Variants in CEP350 observed in about 807,000 individuals in gnomAD.
CEP350 encodes centrosomal protein 350, also known as centrosome-associated protein 350.
In CEP350, 126 loss-of-function variants were observed where a neutral mutation model predicts 331.8. The observed-to-expected ratio is 0.38, with a 90% CI of 0.33 to 0.44. The LOEUF (loss-of-function observed/expected upper bound fraction) is 0.44. Among genes scored for constraint, CEP350 ranks in the 20% least tolerant of loss-of-function variants. The pLI is 1.00. For missense variants in CEP350, 3,406 were observed against 3,634.6 expected (o/e 0.94, Z 1.62); for synonymous variants, 1,200 against 1,259.5 (o/e 0.95, Z 1.00).
At chr1:180,081,034 A>AT (rs113533567) in intron 30 of CEP350, among the ~76,000 whole-genome samples, 13,856 of 139,466 alleles carry the variant, frequency 0.099, 721 homozygotes, top group Non-Finnish European at 0.13. Flanking sequence ...TAATTTTTGT[A>AT]TTTTTTTTTT....
intron 37 of CEP350, among the ~76,000 whole-genome samples, chr1:180,100,067 T>C (rs1431529408): frequency 6.6e-6 from 1 of 152,244 alleles, no homozygotes; most frequent in Non-Finnish European, 1.5e-5. Flanking sequence ...ATTACAGGCA[T>C]GAGCCACCGC....
At chr1:180,091,058 G>A (rs1345664409) in intron 33 of CEP350, among the ~76,000 whole-genome samples, 1 of 151,232 alleles carries the variant, frequency 6.6e-6, no homozygotes, top group Admixed American at 6.6e-5. Context: ...AAGCTGGAGT[G>A]CAGTGGCATG....
chr1:180,041,285 C>A (rs1402028447), intron 18 of CEP350, 37 bp downstream of exon 18: 12 of 1,416,312 alleles, frequency 8.5e-6, no homozygotes, highest in African/African-American at 1.4e-5. Context: ...TTTTTTAAAC[C>A]TAAATTTGTA....
intron 1 of CEP350, among the ~76,000 whole-genome samples, chr1:179,985,416 C>T (rs1652578949): frequency 6.6e-6 from 1 of 152,084 alleles, no homozygotes; most frequent in African/African-American, 2.4e-5. Flanking sequence ...GACATTTGGG[C>T]TACTTCCACG....
intron 7 of CEP350, among the ~76,000 whole-genome samples, chr1:180,004,703 T>C (rs541133921): frequency 2.4e-4 from 37 of 152,366 alleles, no homozygotes; most frequent in Non-Finnish European, 4.7e-4. Flanking sequence ...TGTTATGATC[T>C]GTCAGCAGCA....
At chr1:180,001,982 T>C (rs1348300342) in intron 6 of CEP350, among the ~76,000 whole-genome samples, 2 of 152,246 alleles carry the variant, frequency 1.3e-5, no homozygotes, top group Admixed American at 1.3e-4. Context: ...TGGTAGCTAA[T>C]TATACATTCC....
At chr1:180,034,248 C>T (rs1298418297) in intron 16 of CEP350, among the ~76,000 whole-genome samples, 166 bp downstream of exon 16, 1 of 152,056 alleles carries the variant, frequency 6.6e-6, no homozygotes, top group Non-Finnish European at 1.5e-5. Context: ...TTGAAAAGCA[C>T]GAGAGGTTCA....
At chr1:179,961,759 G>A (rs2148538295) in intron 1 of CEP350, among the ~76,000 whole-genome samples, 1 of 152,286 alleles carries the variant, frequency 6.6e-6, no homozygotes, top group Non-Finnish European at 1.5e-5. Context: ...ATTGCATCAT[G>A]CTGAGGTTTG....
Position 180,111,107 on chromosome 1 carries a change from T to G in CEP350, c.9300T>G (p.Thr3100=). ...DGIFETLIKD[T]IDVLNQISEK... ...TCTTTGAGACCCTGATCAAAGATAC[T>G]ATTGATGTTCTGAATCAGATCAGTG... The change falls in exon 38 of 38, where the codon ACT becomes ACG. Residue 3100 remains threonine (T), a synonymous_variant. Transcript: ENST00000367607. 1 of 1,614,026 alleles carries G rather than the reference T, an allele frequency of 6.2e-7. No homozygotes were observed. The highest frequency in any genetic ancestry group is 1.1e-5 in the South Asian group (1 of 91,084).
At chr1:180,086,227 C>G (rs1659849206) in intron 31 of CEP350, among the ~76,000 whole-genome samples, 1 of 152,096 alleles carries the variant, frequency 6.6e-6, no homozygotes, top group Non-Finnish European at 1.5e-5. Context: ...CTGAGGAGTT[C>G]ATGCTGGAAA....
At chr1:180,064,107 C>T (rs1285907016) in intron 26 of CEP350, among the ~76,000 whole-genome samples, 1 of 152,168 alleles carries the variant, frequency 6.6e-6, no homozygotes, top group Admixed American at 6.5e-5. Context: ...CTATTCCCAT[C>T]TCCTCACACC....
Position 179,990,674 on chromosome 1 carries a change from C to T in CEP350, c.235+53C>T, listed in dbSNP as rs889676821. Reference sequence around the variant, plus strand: ...TACATATATTAAATATAAATTTTGACAAAACAGACAGCTAGATCTACAGGG... The same window carrying T: ...TACATATATTAAATATAAATTTTGATAAAACAGACAGCTAGATCTACAGGG... On this transcript the variant is annotated intron_variant, in intron 4 of 37. Transcript: ENST00000367607. 7 of 972,384 alleles carry T rather than the reference C, an allele frequency of 7.2e-6. No individual in the cohort carries two copies. In the African/African-American group the frequency reaches 9.9e-5, roughly 14 times the overall value. The allele number at this position is 972,384 out of a possible 1,614,324, so 60.2% of individuals were successfully genotyped here.
Position 180,014,150 on chromosome 1 carries a change from A to G in CEP350, c.1697A>G (p.His566Arg). ...GCACCAGTACATGCTCCTAGGAGTC[A>G]CAGCCCAGTAAAAAGAAAACCTGAC... ...SSAPVHAPRS[H>R]SPVKRKPDKI... Residue 566 changes from histidine (H) to arginine (R), a missense_variant, in exon 10 of 38, where the codon CAC (histidine) becomes CGC (arginine). Physicochemically the swap from His to Arg is conservative, Grantham distance 29. This residue lies in a region of CEP350 where 1,857 missense variants were observed against 1,909.2 expected (regional missense o/e 0.97). Coordinates refer to ENST00000367607, the MANE Select transcript of CEP350 (RefSeq NM_014810.5). 6.2e-7 allele frequency: 1 copy of G among 1,608,914 alleles called. No homozygotes were observed. The highest frequency in any genetic ancestry group is 8.5e-7 in the Non-Finnish European group (1 of 1,177,502).
At chr1:180,063,944 T>G (rs972064846) in intron 26 of CEP350, among the ~76,000 whole-genome samples, 2 of 152,140 alleles carry the variant, frequency 1.3e-5, no homozygotes, top group Non-Finnish European at 1.5e-5. Context: ...TACAGAAAAA[T>G]GTCAAACAGT....
chr1:180,090,119 C>CGGTT (rs1246482426), intron 32 of CEP350, among the ~76,000 whole-genome samples: 2 of 151,984 alleles, frequency 1.3e-5, no homozygotes, highest in Non-Finnish European at 2.9e-5. Flanking sequence ...GGAGGAAAGG[C>CGGTT]AGTTAGGATG....
intron 22 of CEP350, chr1:180,052,221 A>G: frequency 2.2e-6 from 1 of 454,100 alleles, no homozygotes; most frequent in Non-Finnish European, 4.4e-6. Flanking sequence ...TTCTTTTTTT[A>G]AGAGACGGGG....
chr1:180,067,439 A>C (rs960966645), intron 27 of CEP350, among the ~76,000 whole-genome samples: 4 of 152,248 alleles, frequency 2.6e-5, no homozygotes, highest in Admixed American at 6.5e-5. Flanking sequence ...CTGTAATCCC[A>C]GCATTTTGGG....
chr1:180,033,993 C>T lies in CEP350; in HGVS notation c.3857C>T (p.Thr1286Ile). Residue 1286 changes from threonine (T) to isoleucine (I), a missense_variant, in exon 16 of 38, where the codon ACT becomes ATT. By Grantham distance (89) the Thr-to-Ile change is moderately conservative (BLOSUM62 -1). Coordinates refer to ENST00000367607, the MANE Select transcript of CEP350 (RefSeq NM_014810.5). ...ERSKSSVMPP[T>I]ITGFKPNAPL... Reference sequence around the variant, plus strand: ...TCTAAGTCGTCAGTAATGCCTCCAACTATAACAGGATTTAAGCCTAATGCA... The same window carrying T: ...TCTAAGTCGTCAGTAATGCCTCCAATTATAACAGGATTTAAGCCTAATGCA... 1 of 1,613,842 alleles carries T rather than the reference C, an allele frequency of 6.2e-7. No homozygotes were observed. Among genetic ancestry groups the T allele is most frequent in the Non-Finnish European group, 8.5e-7 (1 of 1,179,808 alleles).
At chr1:180,082,932 T>C (rs1481849177) in intron 30 of CEP350, among the ~76,000 whole-genome samples, 1 of 152,200 alleles carries the variant, frequency 6.6e-6, no homozygotes, top group East Asian at 1.9e-4. Context: ...CCACCACTAA[T>C]ATAAAACAAG....
Sources: allele counts gnomAD v4.1 joint callset (sites outside exome capture counted in the v4.1 genomes callset), GRCh38; gene constraint gnomAD v4.1.1; regional missense constraint gnomAD v4.1.1; transcripts MANE v1.5; gene names NCBI Gene and HGNC (gene_info 2026-07-23, HGNC 2026-07-21).